GRIK2: variants seen among roughly 807,000 people sequenced by gnomAD.
GRIK2 encodes glutamate ionotropic receptor kainate type subunit 2.
A neutral mutation model predicts 100.3 loss-of-function variants in GRIK2; 32 were observed. The observed-to-expected ratio is 0.32, with a 90% CI of 0.24 to 0.43. The LOEUF (loss-of-function observed/expected upper bound fraction) is 0.43. Among genes scored for constraint, GRIK2 ranks in the 20% least tolerant of loss-of-function variants. GRIK2 has a pLI of 1.00. For synonymous variants in GRIK2, 417 were observed against 389.4 expected (o/e 1.07, Z -0.83); for missense variants, 843 against 1,114.9 (o/e 0.76, Z 3.47).
chr6:101,923,653 G>C (rs994237578), intron 12 of GRIK2, among the ~76,000 whole-genome samples: 3 of 152,096 alleles, frequency 2.0e-5, no homozygotes, highest in African/African-American at 7.2e-5. Flanking sequence ...CGGCGCGGTG[G>C]CTCACGCCTG....
intron 4 of GRIK2, among the ~76,000 whole-genome samples, chr6:101,674,330 A>G (rs1282471454): frequency 6.6e-6 from 1 of 152,220 alleles, no homozygotes; most frequent in Non-Finnish European, 1.5e-5. Context: ...AAGCAGCTCC[A>G]CAGATTACTG....
intron 11 of GRIK2, among the ~76,000 whole-genome samples, chr6:101,865,458 C>G (rs1002866771): frequency 1.3e-5 from 2 of 152,134 alleles, no homozygotes; most frequent in African/African-American, 4.8e-5. Context: ...CAGGTATTAT[C>G]ACAAAAATGG....
At position 101,407,527 on chromosome 6, in the gene GRIK2, A is replaced by C. The variant is rs924527653; in HGVS notation, c.115+8135A>C. Among the ~76,000 whole-genome samples the C allele has an allele frequency of 4.6e-5, 7 of 152,176 alleles. No individual in the cohort carries two copies. The East Asian group carries it at 1.4e-3, about 29-fold the overall frequency. On this transcript the variant is annotated intron_variant, in intron 2 of 16. Coordinates refer to ENST00000369134, the MANE Select transcript of GRIK2 (RefSeq NM_021956.5). ...AAAGAAATCTGGTAGCTCCCCTAGA[A>C]ATGTGTCTACTTTGTTTCCTTTACC...
chr6:101,805,620 G>A (rs1274228787), intron 9 of GRIK2, among the ~76,000 whole-genome samples: 2 of 151,874 alleles, frequency 1.3e-5, no homozygotes, highest in East Asian at 3.9e-4. Context: ...AAATATGGAA[G>A]GAATGTCTGT....
intron 7 of GRIK2, among the ~76,000 whole-genome samples, chr6:101,692,352 A>G (rs1277648604): frequency 1.3e-5 from 2 of 152,144 alleles, no homozygotes; most frequent in African/African-American, 4.8e-5. Flanking sequence ...GAGTAGCAAC[A>G]TAATGAATTG....
chr6:101,910,839 C>CCACACACACGCA (rs1788631037), intron 12 of GRIK2, among the ~76,000 whole-genome samples: 3 of 143,266 alleles, frequency 2.1e-5, no homozygotes, highest in Non-Finnish European at 4.6e-5. Flanking sequence ...CCAACATACA[C>CCACACACACGCA]CACACACACA....
intron 14 of GRIK2, among the ~76,000 whole-genome samples, chr6:101,932,107 G>A (rs901107561): frequency 6.6e-6 from 1 of 151,960 alleles, no homozygotes; most frequent in African/African-American, 2.4e-5. Context: ...TTTGAAGTGA[G>A]TCACATGTTT....
chr6:101,917,931 T>C (rs1789227238), intron 12 of GRIK2, among the ~76,000 whole-genome samples: 1 of 151,628 alleles, frequency 6.6e-6, no homozygotes. Context: ...TTCCTCGTAC[T>C]AGAATGTTTG....
chr6:101,663,109 G>A (rs1484200111), intron 4 of GRIK2, among the ~76,000 whole-genome samples: 1 of 152,070 alleles, frequency 6.6e-6, no homozygotes, highest in Non-Finnish European at 1.5e-5. Flanking sequence ...CATGAGCCCA[G>A]CAACATAAAA....
At chr6:101,492,746 AAAAC>A (rs1171995668) in intron 2 of GRIK2, among the ~76,000 whole-genome samples, 1 of 152,040 alleles carries the variant, frequency 6.6e-6, no homozygotes, top group Non-Finnish European at 1.5e-5. Context: ...GTTCACAATA[AAAAC>A]AAACAAAATC....
At chr6:101,697,116 G>T (rs1281627092) in intron 7 of GRIK2, among the ~76,000 whole-genome samples, 2 of 151,882 alleles carry the variant, frequency 1.3e-5, no homozygotes, top group Non-Finnish European at 2.9e-5. Flanking sequence ...ATTTTAGTGG[G>T]TTGTCATAAG....
At chr6:101,654,971 A>C (rs1781988953) in intron 4 of GRIK2, among the ~76,000 whole-genome samples, 1 of 152,182 alleles carries the variant, frequency 6.6e-6, no homozygotes, top group Non-Finnish European at 1.5e-5. Context: ...ATGGGGATTG[A>C]GTGTCCTGGT....
intron 2 of GRIK2, among the ~76,000 whole-genome samples, chr6:101,424,069 A>C (rs756223879): frequency 2.0e-5 from 3 of 152,158 alleles, no homozygotes; most frequent in Non-Finnish European, 4.4e-5. Context: ...GGGGGTTGTT[A>C]CTATTTTCTG....
intron 2 of GRIK2, among the ~76,000 whole-genome samples, chr6:101,580,130 T>G (rs1379513545): frequency 6.6e-6 from 1 of 152,148 alleles, no homozygotes; most frequent in East Asian, 1.9e-4. Context: ...TCTGATGACT[T>G]CCTAATTAGT....
At position 101,476,114 on chromosome 6, in the gene GRIK2, T is replaced by C. The variant is rs1772214457; in HGVS notation, c.115+76722T>C. 2.0e-5 allele frequency among the ~76,000 whole-genome samples: 3 copies of C among 152,116 alleles called. No homozygotes were observed. The South Asian group carries it at 6.2e-4, about 31-fold the overall frequency. ...AGAATGTTGTCCCATCTTTTTCTTT[T>C]ATTTATCAAATGCACAACTAATCTC... On this transcript the variant is annotated intron_variant, in intron 2 of 16. Transcript: ENST00000369134.
chr6:101,588,861 A>AG (rs1323687180), intron 2 of GRIK2, among the ~76,000 whole-genome samples: 1 of 152,122 alleles, frequency 6.6e-6, no homozygotes, highest in Non-Finnish European at 1.5e-5. Context: ...AGATCATTCT[A>AG]GCTTAAGTGA....
intron 7 of GRIK2, among the ~76,000 whole-genome samples, chr6:101,704,567 TAGAA>T (rs889802527): frequency 2.2e-4 from 33 of 151,852 alleles, no homozygotes; most frequent in African/African-American, 7.5e-4. Flanking sequence ...TAATAATTCT[TAGAA>T]AGTTATTTAG....
intron 2 of GRIK2, among the ~76,000 whole-genome samples, chr6:101,498,137 G>A (rs1562181169): frequency 1.3e-5 from 2 of 148,970 alleles, no homozygotes; most frequent in Non-Finnish European, 3.0e-5. Context: ...TTGTCCTTGT[G>A]ATAGTTTACT....
intron 2 of GRIK2, among the ~76,000 whole-genome samples, chr6:101,491,424 A>G (rs1773105052): frequency 6.6e-6 from 1 of 152,078 alleles, no homozygotes; most frequent in Non-Finnish European, 1.5e-5. Context: ...ATTTGGCCGA[A>G]GCAAACACAA....
Sources: gnomAD v4.1 joint callset for allele counts (sites outside exome capture counted in the v4.1 genomes callset) on GRCh38, gnomAD v4.1.1 for gene constraint, MANE v1.5 for transcripts, NCBI Gene and HGNC (gene_info 2026-07-23, HGNC 2026-07-21) for gene names.